Variants in WWC2 observed in about 807,000 individuals in gnomAD.
WWC2 encodes the protein WW and C2 domain containing 2.
WWC2 carries 101 observed loss-of-function variants against 138.5 expected under a neutral mutation model. The ratio of observed to expected loss-of-function variants is 0.73; its 90% CI spans 0.62 to 0.86. The LOEUF (loss-of-function observed/expected upper bound fraction) is 0.86. WWC2 is among the 40% of genes least tolerant of loss of function. WWC2 has a pLI of 0.00. For synonymous variants in WWC2, 558 were observed against 538.4 expected, an observed-to-expected ratio of 1.04 and a Z score of -0.50; for missense variants, 1,420 against 1,419.4, an observed-to-expected ratio of 1.00 and a Z score of -0.01.
intron 21 of WWC2, 149 bp downstream of exon 21, chr4:183,289,784 A>T: frequency 8.5e-7 from 1 of 1,172,106 alleles, no homozygotes; most frequent in Non-Finnish European, 1.1e-6. Context: ...CCACTGTTAT[A>T]GGCCCTTTTT....
chr4:183,258,173 G>C (rs187029286), intron 9 of WWC2, among the ~76,000 whole-genome samples: 1 of 152,194 alleles, frequency 6.6e-6, no homozygotes, highest in South Asian at 2.1e-4. Context: ...AGAAGACATG[G>C]ATTTTAGTAG....
intron 20 of WWC2, 54 bp from the exon 21 acceptor site, chr4:183,289,339 G>A (rs1480824147): frequency 6.4e-7 from 1 of 1,574,124 alleles, no homozygotes; most frequent in Admixed American, 1.8e-5. Context: ...GGGAAGTGGG[G>A]TAACCACTGC....
At chr4:183,138,797 T>G (rs1344757405) in intron 1 of WWC2, among the ~76,000 whole-genome samples, 1 of 152,192 alleles carries the variant, frequency 6.6e-6, no homozygotes. Context: ...TTTTTTTGTT[T>G]TTTAAGTAAC....
chr4:183,263,527 A>T (rs192105863), intron 11 of WWC2, among the ~76,000 whole-genome samples: 6 of 152,244 alleles, frequency 3.9e-5, no homozygotes, highest in African/African-American at 1.4e-4. Flanking sequence ...TTAAAAAGTT[A>T]CCCTAAGAGA....
chr4:183,242,038 G>A (rs1055201056), intron 5 of WWC2, among the ~76,000 whole-genome samples: 10 of 152,176 alleles, frequency 6.6e-5, no homozygotes, highest in Non-Finnish European at 1.5e-4. Flanking sequence ...ATAGACATTT[G>A]TTGTAGAAAT....
intron 6 of WWC2, among the ~76,000 whole-genome samples, chr4:183,248,235 G>T (rs1437783535): frequency 6.6e-6 from 1 of 152,168 alleles, no homozygotes; most frequent in Non-Finnish European, 1.5e-5. Flanking sequence ...TAACATTGAT[G>T]TGAGCTAAAT....
intron 21 of WWC2, among the ~76,000 whole-genome samples, chr4:183,309,879 C>T (rs769219758): frequency 3.9e-5 from 6 of 152,300 alleles, no homozygotes; most frequent in East Asian, 1.9e-4. Flanking sequence ...TACTCTTCAG[C>T]ACTAAAGAGA....
At chr4:183,107,348 G>C (rs1446309731) in intron 1 of WWC2, among the ~76,000 whole-genome samples, 1 of 152,070 alleles carries the variant, frequency 6.6e-6, no homozygotes, top group Non-Finnish European at 1.5e-5. Context: ...TTTTAGTAGA[G>C]ACGGGGTTGG....
In WWC2 at chr4:183,106,502, C is replaced by CATAAACACTGTATAATTATACAGTGT. The variant is rs1156801372; in HGVS notation, c.131+6897_131+6898insATACAGTGTATAAACACTGTATAATT. 2.1e-4 allele frequency among the ~76,000 whole-genome samples: 32 copies of CATAAACACTGTATAATTATACAGTGT among 151,718 alleles called. No individual in the cohort carries two copies. In the East Asian group the frequency reaches 6.3e-3, roughly 30 times the overall value. The stretch of plus-strand genomic sequence containing the variant: ...TTTAGTATATTCATTGTTATGAAAC[C>CATAAACACTGTATAATTATACAGTGT]ATAAACACTGTATAATTCCTGAACA... On this transcript the variant is annotated intron_variant, in intron 1 of 22. Coordinates refer to ENST00000403733, the MANE Select transcript of WWC2 (RefSeq NM_024949.6).
At chr4:183,117,533 A>G (rs972472790) in intron 1 of WWC2, among the ~76,000 whole-genome samples, 3 of 150,502 alleles carry the variant, frequency 2.0e-5, no homozygotes, top group African/African-American at 7.3e-5. Context: ...GTTCTTTTCT[A>G]TAGTGCTTTT....
chr4:183,250,872 T>G (rs1028035079), intron 8 of WWC2, among the ~76,000 whole-genome samples: 1 of 152,190 alleles, frequency 6.6e-6, no homozygotes, highest in African/African-American at 2.4e-5. Flanking sequence ...TGAAGTATAT[T>G]CCTTATTATT....
intron 1 of WWC2, among the ~76,000 whole-genome samples, chr4:183,143,480 C>G (rs80172480): frequency 0.014 from 2,124 of 152,222 alleles, 49 homozygotes; most frequent in African/African-American, 0.047. Context: ...AAGTAGTGAA[C>G]ATTTTTAAAG....
intron 1 of WWC2, among the ~76,000 whole-genome samples, chr4:183,170,718 G>C (rs1261248860): frequency 6.6e-6 from 1 of 152,110 alleles, no homozygotes; most frequent in Non-Finnish European, 1.5e-5. Flanking sequence ...TTTTTAAAGT[G>C]ACAGGGTCTC....
At chr4:183,121,430 T>C (rs1732597315) in intron 1 of WWC2, among the ~76,000 whole-genome samples, 1 of 152,040 alleles carries the variant, frequency 6.6e-6, no homozygotes, top group Non-Finnish European at 1.5e-5. Context: ...TTCATAATGC[T>C]CCAATGAGCA....
intron 1 of WWC2, among the ~76,000 whole-genome samples, chr4:183,176,606 A>C (rs972328890): frequency 6.6e-6 from 1 of 152,156 alleles, no homozygotes; most frequent in Non-Finnish European, 1.5e-5. Context: ...TATTTTTAGT[A>C]GAGATGGGGT....
At chr4:183,311,505 C>T (rs552165983) in intron 21 of WWC2, among the ~76,000 whole-genome samples, 29 of 152,118 alleles carry the variant, frequency 1.9e-4, no homozygotes, top group African/African-American at 7.0e-4. Context: ...GTGTTCTCCC[C>T]TTCCTCCGGT....
At chr4:183,210,630 T>G (rs148282189) in intron 4 of WWC2, among the ~76,000 whole-genome samples, 15 of 152,312 alleles carry the variant, frequency 9.8e-5, no homozygotes, top group Middle Eastern at 6.8e-3. Context: ...CTGAGAAGTG[T>G]ATTGTTAGGC....
chr4:183,178,177 AC>A (rs774847932), intron 1 of WWC2, among the ~76,000 whole-genome samples: 8 of 152,194 alleles, frequency 5.3e-5, no homozygotes, highest in Non-Finnish European at 7.3e-5. Flanking sequence ...CACATTATGA[AC>A]ATTTTGAAAT....
intron 15 of WWC2, 27 bp from the exon 16 acceptor site, chr4:183,271,039 CTTCCTTATTTTTTT>C (rs1737679148): frequency 7.0e-7 from 1 of 1,431,850 alleles, no homozygotes; most frequent in African/African-American, 1.5e-5. Flanking sequence ...TTTATTTTCT[CTTCCTTATTTTTTT>C]TTCTTTGTTT....
Sources: gnomAD v4.1 joint callset for allele counts (sites outside exome capture counted in the v4.1 genomes callset) on GRCh38, gnomAD v4.1.1 for gene constraint, MANE v1.5 for transcripts, NCBI Gene and HGNC (gene_info 2026-07-23, HGNC 2026-07-21) for gene names.